The following ZNF385D variants were observed in gnomAD, a reference collection of about 807,000 sequenced individuals.
ZNF385D encodes zinc finger protein 659.
Under a neutral mutation model 35.8 loss-of-function variants are expected in ZNF385D, and 15 were observed. That is an observed-to-expected ratio of 0.42 (90% CI 0.28 to 0.64). ZNF385D has a LOEUF of 0.64. ZNF385D is among the 30% of genes least tolerant of loss of function. The probability of loss-of-function intolerance (pLI) is 0.23; values close to 1 mark genes in which losing one functional copy is unlikely to be tolerated. For missense variants in ZNF385D, 474 were observed against 494.6 expected (o/e 0.96, Z 0.39); for synonymous variants, 212 against 186.8 (o/e 1.13, Z -1.10).
intron 3 of ZNF385D, among the ~76,000 whole-genome samples, chr3:21,810,346 A>T (rs2072860432): frequency 6.6e-6 from 1 of 151,896 alleles, no homozygotes; most frequent in African/African-American, 2.4e-5. Context: ...ACTTAAAAAA[A>T]ACTATACATG....
chr3:22,137,213 C>T (rs1083733), intron 3 of ZNF385D, among the ~76,000 whole-genome samples: 83 of 152,182 alleles, frequency 5.5e-4, no homozygotes, highest in Non-Finnish European at 8.4e-4. Context: ...CAGGACCAGA[C>T]GGATTCACAG....
In ZNF385D at chr3:21,420,460, C is replaced by T. The variant is rs1700686126; in HGVS notation, c.*754G>A. On this transcript the variant is annotated 3_prime_UTR_variant, in exon 8 of 8. Transcript: ENST00000281523. ...GAAGTTACTACTTTATAAGAAATCA[C>T]CTTTATTAATGCCTCCCCCATCTCT... The T allele has an allele frequency of 6.6e-6, 1 of 152,198 alleles. No individual in the cohort carries two copies. Among genetic ancestry groups the T allele is most frequent in the Non-Finnish European group, 1.5e-5 (1 of 68,038 alleles). The allele number at this position is 152,198 out of a possible 1,614,324, so 9.4% of individuals were successfully genotyped here.
At chr3:21,762,069 G>A (rs1349869463) in intron 3 of ZNF385D, among the ~76,000 whole-genome samples, 1 of 151,586 alleles carries the variant, frequency 6.6e-6, no homozygotes, top group African/African-American at 2.4e-5. Flanking sequence ...AGTAGAGACA[G>A]GGTTTCACCA....
intron 2 of ZNF385D, among the ~76,000 whole-genome samples, chr3:22,325,847 A>C (rs531336209): frequency 6.6e-6 from 1 of 152,134 alleles, no homozygotes; most frequent in South Asian, 2.1e-4. Flanking sequence ...TTTTTCTCTA[A>C]AGGTCTGGTA....
intron 3 of ZNF385D, among the ~76,000 whole-genome samples, chr3:22,022,430 T>C (rs1697284153): frequency 6.6e-6 from 1 of 152,144 alleles, no homozygotes; most frequent in Non-Finnish European, 1.5e-5. Context: ...ATGAAATTTC[T>C]ACTCTCAGCT....
rs796582173 is a variant in ZNF385D at position 22,000,929 on chromosome 3, G to A, written c.325+167888C>T. ...TTTTTTTTTTTCTACATCAGGAAGT[G>A]TAAGGAAAATTATCTGCCATCATAA... On this transcript the variant is annotated intron_variant, in intron 3 of 5. Transcript: ENST00000494108. 6.6e-5 allele frequency among the ~76,000 whole-genome samples: 10 copies of A among 151,578 alleles called. No individual in the cohort carries two copies. The South Asian group carries it at 1.9e-3, about 28-fold the overall frequency.
intron 3 of ZNF385D, among the ~76,000 whole-genome samples, chr3:21,952,753 A>G (rs1407063553): frequency 6.6e-6 from 1 of 151,966 alleles, no homozygotes; most frequent in Non-Finnish European, 1.5e-5. Flanking sequence ...TTTATACAAT[A>G]GTATAAAAAT....
At chr3:21,445,403 A>C (rs1298725509) in intron 4 of ZNF385D, among the ~76,000 whole-genome samples, 1 of 152,216 alleles carries the variant, frequency 6.6e-6, no homozygotes, top group Non-Finnish European at 1.5e-5. Context: ...ATTTAAAGAG[A>C]GATAAGCTGA....
At chr3:21,795,150 C>T (rs961212330) in intron 3 of ZNF385D, among the ~76,000 whole-genome samples, 1 of 152,216 alleles carries the variant, frequency 6.6e-6, no homozygotes, top group Admixed American at 6.5e-5. Flanking sequence ...TCAGCTCACC[C>T]TTCAGGCTTA....
intron 4 of ZNF385D, among the ~76,000 whole-genome samples, chr3:21,453,260 C>T (rs766911359): frequency 1.1e-4 from 16 of 151,482 alleles, no homozygotes; most frequent in South Asian, 2.1e-4. Context: ...AAAACTATAA[C>T]GCTCTTAGAA....
Position 21,474,972 on chromosome 3 carries a change from A to AT in ZNF385D, c.439+35888dup, listed in dbSNP as rs528696579. Among the ~76,000 whole-genome samples the AT allele has an allele frequency of 5.5e-4, 83 of 151,936 alleles. 1 individual carries two copies. The highest frequency in any genetic ancestry group is 1.9e-3 in the African/African-American group (77 of 41,492). On this transcript the variant is annotated intron_variant, in intron 4 of 7. Coordinates refer to ENST00000281523, the MANE Select transcript of ZNF385D (RefSeq NM_024697.3). ...CAGAAAATACAAAATTAAGAATATAATTTTTTTTGTTTTAATTTGCAGTTA... is the reference window on the plus strand; with the variant it reads ...CAGAAAATACAAAATTAAGAATATAATTTTTTTTTGTTTTAATTTGCAGTTA...
At chr3:22,035,573 T>C (rs975642805) in intron 3 of ZNF385D, among the ~76,000 whole-genome samples, 3 of 152,192 alleles carry the variant, frequency 2.0e-5, no homozygotes, top group South Asian at 4.1e-4. Context: ...GCTTAAGTAA[T>C]TGTCTTTGAT....
intron 3 of ZNF385D, among the ~76,000 whole-genome samples, chr3:21,532,186 G>C (rs1224778882): frequency 6.6e-6 from 1 of 152,134 alleles, no homozygotes; most frequent in Admixed American, 6.6e-5. Context: ...TCACCCACGA[G>C]GGAAGGTTTA....
At chr3:22,064,699 T>C (rs1224163967) in intron 3 of ZNF385D, among the ~76,000 whole-genome samples, 3 of 152,114 alleles carry the variant, frequency 2.0e-5, no homozygotes, top group Admixed American at 6.5e-5. Context: ...GAAAGACACA[T>C]ATGACATGAT....
rs185153633 is a variant in ZNF385D, at chr3:21,517,990, A to G, written c.277-6967T>C. On this transcript the variant is annotated intron_variant, in intron 3 of 7. Coordinates refer to ENST00000281523, the MANE Select transcript of ZNF385D (RefSeq NM_024697.3). ...CCATCCTGGACACATTGAACCAGAA[A>G]CTGAGAGGGAGGCTCAGTAATGGGT... Among the ~76,000 whole-genome samples the G allele has an allele frequency of 1.1e-4, 16 of 152,258 alleles. No individual in the cohort carries two copies. In the East Asian group the frequency reaches 2.3e-3, roughly 22 times the overall value.
intron 2 of ZNF385D, among the ~76,000 whole-genome samples, chr3:21,615,326 T>C (rs2064814017): frequency 6.6e-6 from 1 of 150,734 alleles, no homozygotes; most frequent in African/African-American, 2.4e-5. Flanking sequence ...GAGGCCCTCA[T>C]CAGAAGCAGA....
intron 4 of ZNF385D, chr3:21,443,229 C>T (rs374075898): frequency 2.4e-5 from 24 of 985,200 alleles, no homozygotes; most frequent in African/African-American, 1.9e-4. Flanking sequence ...GCACTGCTTC[C>T]GCTCTGTTCT....
chr3:22,069,583 T>C (rs1700132069), intron 3 of ZNF385D, among the ~76,000 whole-genome samples: 1 of 152,178 alleles, frequency 6.6e-6, no homozygotes, highest in Admixed American at 6.5e-5. Context: ...AGTATATCTG[T>C]GTTTTAGAAT....
At chr3:21,557,337 C>T (rs114736896) in intron 3 of ZNF385D, among the ~76,000 whole-genome samples, 3,788 of 152,148 alleles carry the variant, frequency 0.025, 107 homozygotes, top group East Asian at 0.11. Context: ...AGGTAGGTTC[C>T]GTCAATACCT....
Sources: gnomAD v4.1 joint callset for allele counts (sites outside exome capture counted in the v4.1 genomes callset) on GRCh38, gnomAD v4.1.1 for gene constraint, MANE v1.5 for transcripts, NCBI Gene and HGNC (gene_info 2026-07-23, HGNC 2026-07-21) for gene names.